The following VMP1 variants were observed in gnomAD, a reference collection of about 807,000 sequenced individuals.
The protein encoded by VMP1 is vacuole membrane protein 1.
VMP1 carries 11 observed loss-of-function variants against 56.0 expected under a neutral mutation model. The observed-to-expected ratio is 0.20, with a 90% confidence interval of 0.12 to 0.32. The LOEUF (loss-of-function observed/expected upper bound fraction) is 0.32. VMP1 is among the 10% of genes least tolerant of loss of function. VMP1 has a pLI of 1.00. For synonymous variants in VMP1, 149 were observed against 165.0 expected, an observed-to-expected ratio of 0.90 and a Z score of 0.74; for missense variants, 296 against 490.3, an observed-to-expected ratio of 0.60 and a Z score of 3.74.
chr17:59,740,738 G>A (rs777738845), intron 5 of VMP1, among the ~76,000 whole-genome samples: 2 of 152,202 alleles, frequency 1.3e-5, no homozygotes, highest in Non-Finnish European at 2.9e-5. Flanking sequence ...CACTAGTAGA[G>A]GTTGAGGGAG....
intron 1 of VMP1, among the ~76,000 whole-genome samples, chr17:59,721,843 A>G (rs4968392): frequency 0.85 from 130,084 of 152,262 alleles, 55,693 homozygotes; most frequent in East Asian, 0.95. Flanking sequence ...AAAACATGGC[A>G]AAACCCCATC....
chr17:59,792,615 AGCACTTTGGGAG>A (rs986501105), intron 7 of VMP1, among the ~76,000 whole-genome samples: 1 of 151,834 alleles, frequency 6.6e-6, no homozygotes, highest in African/African-American at 2.4e-5. Context: ...CTGTAATCCT[AGCACTTTGGGAG>A]GCCGAGGCGG....
intron 7 of VMP1, among the ~76,000 whole-genome samples, chr17:59,780,991 A>G (rs545905555): frequency 4.6e-5 from 7 of 152,122 alleles, no homozygotes; most frequent in Non-Finnish European, 7.4e-5. Context: ...TTTTCCTTAC[A>G]TACTTTTTCC....
At chr17:59,818,050 C>A (rs2038307559) in intron 10 of VMP1, among the ~76,000 whole-genome samples, 1 of 151,992 alleles carries the variant, frequency 6.6e-6, no homozygotes, top group African/African-American at 2.4e-5. Context: ...TGTAGCCCCA[C>A]CAAAGAAATA....
chr17:59,797,768 A>C (rs918209705), intron 7 of VMP1, among the ~76,000 whole-genome samples: 1 of 152,352 alleles, frequency 6.6e-6, no homozygotes, highest in Middle Eastern at 3.4e-3. Context: ...AGTCCCAGCT[A>C]TTCAGGAGGC....
chr17:59,712,201 C>A (rs1386004710), intron 1 of VMP1, among the ~76,000 whole-genome samples: 7 of 152,136 alleles, frequency 4.6e-5, no homozygotes, highest in Admixed American at 4.6e-4. Context: ...TCTTTCCCAG[C>A]CCTCTTTTAA....
chr17:59,838,804 G>A (rs62081825), intron 11 of VMP1: 4,710 of 157,788 alleles, frequency 0.03, 99 homozygotes, highest in Non-Finnish European at 0.046. Flanking sequence ...TCACCCATGG[G>A]AAAATGATAA....
chr17:59,747,240 G>A (rs2035455707), intron 5 of VMP1, among the ~76,000 whole-genome samples: 1 of 151,952 alleles, frequency 6.6e-6, no homozygotes, highest in Non-Finnish European at 1.5e-5. Flanking sequence ...ATAGTTTCTC[G>A]CATTCGTTCA....
intron 1 of VMP1, among the ~76,000 whole-genome samples, chr17:59,719,615 T>C (rs1188695282): frequency 6.6e-6 from 1 of 152,204 alleles, no homozygotes; most frequent in Admixed American, 6.5e-5. Flanking sequence ...CAATAACTCT[T>C]ATGTTACTCA....
intron 10 of VMP1, among the ~76,000 whole-genome samples, chr17:59,823,997 C>T (rs141775093): frequency 1.3e-5 from 2 of 152,304 alleles, no homozygotes; most frequent in African/African-American, 4.8e-5. Flanking sequence ...GGCGCAGAGG[C>T]TCACGCCTGT....
intron 7 of VMP1, among the ~76,000 whole-genome samples, chr17:59,804,329 TTGGG>T (rs1456227163): frequency 1.3e-5 from 2 of 151,990 alleles, no homozygotes; most frequent in Non-Finnish European, 2.9e-5. Flanking sequence ...TAAAATAAAT[TTGGG>T]CCTGGCGCAC....
At position 59,828,686 on chromosome 17, in the gene VMP1, G is replaced by C. The variant is rs181243132; in HGVS notation, c.975-9609G>C. Among the ~76,000 whole-genome samples the C allele has an allele frequency of 1.2e-4, 18 of 152,256 alleles. No individual in the cohort carries two copies. In the East Asian group the frequency reaches 3.5e-3, roughly 29 times the overall value. On this transcript the variant is annotated intron_variant, in intron 10 of 11. Transcript: ENST00000262291. ...TAGTATAGTGTGTGATTTTCATCCT[G>C]AATTTATTTTATGTTGGGGTGCCAT...
In VMP1 at chr17:59,801,148, G is replaced by GTGTGTGTGTGTA. The variant is rs1439842519; in HGVS notation, c.715-7647_715-7646insGTGTGTGTGTAT. On this transcript the variant is annotated intron_variant, in intron 7 of 11. Coordinates refer to ENST00000262291, the MANE Select transcript of VMP1 (RefSeq NM_030938.5). ...TGTGTGTGTGTGTGTGTGTGTGTGTGTATGGCACATACAGTTATATATAGT... is the reference window on the plus strand; with the variant it reads ...TGTGTGTGTGTGTGTGTGTGTGTGTGTGTGTGTGTGTATATGGCACATACAGTTATATATAGT... 1.7e-3 allele frequency among the ~76,000 whole-genome samples: 232 copies of GTGTGTGTGTGTA among 136,314 alleles called. 6 individuals carry two copies. The highest frequency in any genetic ancestry group is 5.4e-3 in the African/African-American group (194 of 35,658). 89.4% of individuals were successfully genotyped at this position (136,314 alleles called of 152,430 possible).
chr17:59,718,123 T>G (rs2034239130), intron 1 of VMP1, among the ~76,000 whole-genome samples: 1 of 151,006 alleles, frequency 6.6e-6, no homozygotes, highest in Non-Finnish European at 1.5e-5. Flanking sequence ...CATCCTAATT[T>G]GGGGTTTTGT....
At chr17:59,770,734 C>G (rs1229308708) in intron 6 of VMP1, among the ~76,000 whole-genome samples, 1 of 151,984 alleles carries the variant, frequency 6.6e-6, no homozygotes, top group Non-Finnish European at 1.5e-5. Context: ...GCGCACACCA[C>G]CATACCCGGC....
At chr17:59,729,279 A>T (rs8070158) in intron 1 of VMP1, among the ~76,000 whole-genome samples, 130,128 of 151,952 alleles carry the variant, frequency 0.86, 55,849 homozygotes, top group East Asian at 0.95. Flanking sequence ...GGTCAGGAGT[A>T]CAAGACCAGC....
intron 7 of VMP1, among the ~76,000 whole-genome samples, chr17:59,795,675 A>G (rs1348211825): frequency 6.6e-6 from 1 of 151,868 alleles, no homozygotes; most frequent in African/African-American, 2.4e-5. Context: ...ATAAAAAATA[A>G]TAATAAAATT....
chr17:59,737,431 A>G (rs767028719), intron 3 of VMP1, 22 bp from the exon 4 acceptor site: 2 of 1,593,396 alleles, frequency 1.3e-6, no homozygotes, highest in South Asian at 2.3e-5. Flanking sequence ...TGAGATATTT[A>G]TTTTTTTTAT....
chr17:59,753,383 G>A (rs894952537), intron 5 of VMP1, among the ~76,000 whole-genome samples: 2 of 152,044 alleles, frequency 1.3e-5, no homozygotes, highest in East Asian at 1.9e-4. Flanking sequence ...TCATAATTCT[G>A]TAATTAACCA....
Sources: allele counts gnomAD v4.1 joint callset (sites outside exome capture counted in the v4.1 genomes callset), GRCh38; gene constraint gnomAD v4.1.1; transcripts MANE v1.5; gene names NCBI Gene and HGNC (gene_info 2026-07-23, HGNC 2026-07-21).